The following NALF1 variants were observed in gnomAD, a reference collection of about 807,000 sequenced individuals.
The protein encoded by NALF1 is NALCN channel auxiliary factor 1, also known as family with sequence similarity 155 member A.
NALF1 carries 3 observed loss-of-function variants against 48.4 expected under a neutral mutation model. That is an observed-to-expected ratio of 0.06 (90% CI 0.03 to 0.16). NALF1 has a LOEUF of 0.16. NALF1 is among the 10% of genes least tolerant of loss of function. The probability of loss-of-function intolerance (pLI) is 1.00; values close to 1 mark genes in which losing one functional copy is unlikely to be tolerated. For missense variants in NALF1, 526 were observed against 571.5 expected (o/e 0.92, Z 0.81); for synonymous variants, 262 against 245.7 (o/e 1.07, Z -0.62).
chr13:107,275,585 C>T (rs1881264449), intron 1 of NALF1, among the ~76,000 whole-genome samples: 1 of 151,938 alleles, frequency 6.6e-6, no homozygotes, highest in Admixed American at 6.6e-5. Context: ...TTCTGTGGGT[C>T]CGGAATCTGA....
intron 1 of NALF1, among the ~76,000 whole-genome samples, chr13:107,513,806 C>A (rs1311496971): frequency 6.6e-6 from 1 of 152,184 alleles, no homozygotes; most frequent in African/African-American, 2.4e-5. Flanking sequence ...GAATTTTGAG[C>A]TGAAGACAAT....
At chr13:107,592,699 G>A (rs1296572131) in intron 1 of NALF1, among the ~76,000 whole-genome samples, 13 of 151,710 alleles carry the variant, frequency 8.6e-5, no homozygotes, top group Admixed American at 8.6e-4. Context: ...TTTTTTGGTT[G>A]TTATCATCAA....
intron 1 of NALF1, among the ~76,000 whole-genome samples, chr13:107,450,013 G>A (rs1884713702): frequency 1.3e-5 from 2 of 152,082 alleles, no homozygotes; most frequent in Admixed American, 1.3e-4. Flanking sequence ...AGGAAGAGGT[G>A]GGGGTGGATA....
At position 107,611,983 on chromosome 13, in the gene NALF1, A is replaced by AGAGGAGAGG. The variant is rs1555312420; in HGVS notation, c.915+253698_915+253699insCCTCTCCTC. On this transcript the variant is annotated intron_variant, in intron 1 of 2. Transcript: ENST00000375915. Reference sequence around the variant, plus strand: ...GCACGAAGAAGAAAGAAGAGAAGAGAAGAGGAGAGGAGAGGAGAGAGACAG... The same window carrying AGAGGAGAGG: ...GCACGAAGAAGAAAGAAGAGAAGAGAGAGGAGAGGAGAGGAGAGGAGAGGAGAGAGACAG... 2.4e-4 allele frequency among the ~76,000 whole-genome samples: 34 copies of AGAGGAGAGG among 142,502 alleles called. No individual in the cohort carries two copies. The East Asian group carries it at 5.5e-3, about 23-fold the overall frequency. 93.5% of individuals were successfully genotyped at this position (142,502 alleles called of 152,430 possible). A position where few individuals can be genotyped will look rare whatever the true frequency, so the allele number is the denominator to read the frequency against.
intron 1 of NALF1, among the ~76,000 whole-genome samples, chr13:107,379,258 T>C (rs1941014575): frequency 6.6e-6 from 1 of 152,136 alleles, no homozygotes; most frequent in Admixed American, 6.6e-5. Context: ...GGCTGTTAAT[T>C]AATTATAGCT....
intron 1 of NALF1, among the ~76,000 whole-genome samples, chr13:107,447,592 G>A (rs1884671558): frequency 6.6e-6 from 1 of 152,010 alleles, no homozygotes; most frequent in African/African-American, 2.4e-5. Flanking sequence ...CCTTTTTACA[G>A]CTCTTTCAGG....
intron 1 of NALF1, among the ~76,000 whole-genome samples, chr13:107,284,247 G>T (rs1400512321): frequency 6.6e-6 from 1 of 152,082 alleles, no homozygotes; most frequent in East Asian, 1.9e-4. Flanking sequence ...CTGGAGAAGG[G>T]GGAGAATAGG....
intron 1 of NALF1, among the ~76,000 whole-genome samples, chr13:107,364,404 A>T (rs1049638836): frequency 2.9e-4 from 44 of 152,232 alleles, no homozygotes; most frequent in African/African-American, 1.0e-3. Flanking sequence ...AAGCCTGTCC[A>T]CATATGTAAC....
chr13:107,318,900 A>G (rs1882200648), intron 1 of NALF1, among the ~76,000 whole-genome samples: 1 of 152,130 alleles, frequency 6.6e-6, no homozygotes, highest in Non-Finnish European at 1.5e-5. Flanking sequence ...CACAATGCAT[A>G]CAGTATAATT....
At chr13:107,354,419 C>T (rs184594445) in intron 1 of NALF1, among the ~76,000 whole-genome samples, 2 of 152,088 alleles carry the variant, frequency 1.3e-5, no homozygotes, top group Admixed American at 1.3e-4. Context: ...GTCAGCCAGA[C>T]AGAGGTCTAC....
At chr13:107,209,602 T>C (rs1252207481) in intron 2 of NALF1, among the ~76,000 whole-genome samples, 1 of 152,124 alleles carries the variant, frequency 6.6e-6, no homozygotes, top group South Asian at 2.1e-4. Context: ...AATGAATACG[T>C]ATGTAAATAA....
chr13:107,434,199 A>G (rs1048982873), intron 1 of NALF1, among the ~76,000 whole-genome samples: 2 of 152,200 alleles, frequency 1.3e-5, no homozygotes, highest in African/African-American at 4.8e-5. Context: ...TGAGTTGACC[A>G]TTATTGTGTT....
intron 1 of NALF1, among the ~76,000 whole-genome samples, chr13:107,213,684 C>T (rs993787237): frequency 2.6e-5 from 4 of 152,254 alleles, no homozygotes; most frequent in Middle Eastern, 3.4e-3. Context: ...GCAAAGCATA[C>T]AGCACATTTG....
At chr13:107,628,957 G>A (rs1003376856) in intron 1 of NALF1, among the ~76,000 whole-genome samples, 4 of 152,044 alleles carry the variant, frequency 2.6e-5, no homozygotes, top group South Asian at 2.1e-4. Flanking sequence ...CTTTTTGTAT[G>A]TTATTATAAC....
chr13:107,786,457 C>G (rs1274159334), intron 1 of NALF1, among the ~76,000 whole-genome samples: 1 of 138,530 alleles, frequency 7.2e-6, no homozygotes, highest in African/African-American at 2.7e-5. Flanking sequence ...GGCGCGGTGG[C>G]TCACTCCTGT....
chr13:107,687,223 C>T (rs1263541414), intron 1 of NALF1, among the ~76,000 whole-genome samples: 11 of 152,048 alleles, frequency 7.2e-5, no homozygotes, highest in Admixed American at 7.2e-4. Flanking sequence ...TGACTGTTCT[C>T]AGCTATAAGT....
chr13:107,857,248 T>C (rs1193244075), intron 1 of NALF1, among the ~76,000 whole-genome samples: 5 of 152,114 alleles, frequency 3.3e-5, no homozygotes, highest in African/African-American at 9.7e-5. Flanking sequence ...CAGTCCTCAA[T>C]CAATAAAAAT....
At chr13:107,751,364 G>A (rs1301320818) in intron 1 of NALF1, among the ~76,000 whole-genome samples, 4 of 152,332 alleles carry the variant, frequency 2.6e-5, no homozygotes, top group African/African-American at 9.6e-5. Flanking sequence ...TTTGTGCCTT[G>A]TAAAGTGTTA....
chr13:107,342,729 T>C (rs1453436742), intron 1 of NALF1, among the ~76,000 whole-genome samples: 2 of 152,062 alleles, frequency 1.3e-5, no homozygotes, highest in African/African-American at 2.4e-5. Flanking sequence ...ATGGTAACTA[T>C]AAATAAAACA....
Sources: gnomAD v4.1 joint callset for allele counts (sites outside exome capture counted in the v4.1 genomes callset) on GRCh38, gnomAD v4.1.1 for gene constraint, MANE v1.5 for transcripts, NCBI Gene and HGNC (gene_info 2026-07-23, HGNC 2026-07-21) for gene names.